Variants in CAPN9 observed in about 807,000 individuals in gnomAD.
CAPN9 encodes calpain 9.
A neutral mutation model predicts 92.8 loss-of-function variants in CAPN9; 81 were observed. That is an observed-to-expected ratio of 0.87 (90% CI 0.73 to 1.05). The LOEUF (loss-of-function observed/expected upper bound fraction) is 1.05, where lower values mean the gene tolerates loss of function less well. Ranked by LOEUF, CAPN9 falls within the 50% of genes least tolerant of loss-of-function variation. The probability of loss-of-function intolerance (pLI) is 0.00; values close to 1 mark genes in which losing one functional copy is unlikely to be tolerated. For missense variants in CAPN9, 848 were observed against 866.2 expected, an observed-to-expected ratio of 0.98 and a Z score of 0.26; for synonymous variants, 304 against 328.0, an observed-to-expected ratio of 0.93 and a Z score of 0.79.
intron 19 of CAPN9, among the ~76,000 whole-genome samples, chr1:230,801,351 A>C (rs1038474612): frequency 6.6e-6 from 1 of 152,242 alleles, no homozygotes; most frequent in East Asian, 1.9e-4. Context: ...ATATGAGCTC[A>C]CTTGGAAAGG....
At chr1:230,783,026 G>A (rs1667333092) in intron 11 of CAPN9, among the ~76,000 whole-genome samples, 1 of 152,038 alleles carries the variant, frequency 6.6e-6, no homozygotes, top group African/African-American at 2.4e-5. Flanking sequence ...AAAAAAAATG[G>A]TGGTTTTTTT....
intron 9 of CAPN9, among the ~76,000 whole-genome samples, 159 bp from the exon 10 acceptor site, chr1:230,780,020 G>GA (rs947676998): frequency 7.2e-5 from 11 of 152,250 alleles, no homozygotes; most frequent in Admixed American, 5.2e-4. Flanking sequence ...TGAACAGGGA[G>GA]AGAAGGTATT....
intron 18 of CAPN9, among the ~76,000 whole-genome samples, chr1:230,795,911 G>A (rs930799761): frequency 8.6e-5 from 13 of 151,766 alleles, no homozygotes; most frequent in South Asian, 4.2e-4. Flanking sequence ...ATGTTCTGGC[G>A]TTTCCATCTT....
chr1:230,785,983 A>T lies in CAPN9; in HGVS notation c.1484A>T (p.Asp495Val). ...AGTGTGTTTTTCTGCCCCTACAGGG[A>T]TATGGATGGAAATGTAGACATTGAC... ...IFSEKKAITR[D>V]MDGNVDIDLP... The change falls in exon 12 of 20, where the codon GAT (aspartate) becomes GTT (valine). Residue 495 changes from aspartate (D) to valine (V), a missense_variant and splice_region_variant. By Grantham distance (152) the Asp-to-Val change is radical. Coordinates refer to ENST00000271971, the MANE Select transcript of CAPN9 (RefSeq NM_006615.3). The T allele has an allele frequency of 6.2e-7, 1 of 1,613,968 alleles. No homozygotes were observed. Among genetic ancestry groups the T allele is most frequent in the Non-Finnish European group, 8.5e-7 (1 of 1,179,842 alleles).
chr1:230,797,816 C>G (rs1204555704), intron 18 of CAPN9, among the ~76,000 whole-genome samples: 3 of 152,214 alleles, frequency 2.0e-5, no homozygotes, highest in African/African-American at 7.2e-5. Context: ...CAAAACTTTA[C>G]GTGCGTGTGC....
intron 11 of CAPN9, among the ~76,000 whole-genome samples, chr1:230,785,427 T>C (rs1418578498): frequency 1.3e-5 from 2 of 152,034 alleles, no homozygotes; most frequent in Non-Finnish European, 2.9e-5. Context: ...GTGTTAGGGG[T>C]GGGGCTTGAT....
intron 8 of CAPN9, among the ~76,000 whole-genome samples, chr1:230,777,232 C>T (rs971579508): frequency 6.6e-6 from 1 of 152,134 alleles, no homozygotes; most frequent in African/African-American, 2.4e-5. Context: ...AGAGGAAACT[C>T]GGAAATTCAC....
chr1:230,776,297 A>G (rs137899384), intron 8 of CAPN9: 1 of 152,200 alleles, frequency 6.6e-6, no homozygotes, highest in Non-Finnish European at 1.5e-5. Context: ...CTCCACCCTC[A>G]CAACCTAGTC....
chr1:230,762,821 C>T (rs376227860), intron 4 of CAPN9, 35 bp downstream of exon 4: 19 of 1,604,960 alleles, frequency 1.2e-5, no homozygotes, highest in South Asian at 2.2e-5. Context: ...GGCAGCCTCC[C>T]GACAGGAGTC....
At chr1:230,763,986 G>C (rs548326993) in intron 4 of CAPN9, among the ~76,000 whole-genome samples, 196 of 152,164 alleles carry the variant, frequency 1.3e-3, no homozygotes, top group Non-Finnish European at 1.7e-3. Context: ...AACAGAAACT[G>C]TGTGCCATCT....
chr1:230,795,149 C>T lies in CAPN9; in HGVS notation c.1871-14C>T, dbSNP rs769238948. On this transcript the variant is annotated splice_polypyrimidine_tract_variant and intron_variant, in intron 17 of 19. Transcript: ENST00000271971. ...GATACAGCGAGTCCTGGGTCTCCTC[C>T]TTTGTCCCCACAGGCTTTCAGCTGA... The T allele has an allele frequency of 1.7e-5, 27 of 1,571,574 alleles. No homozygotes were observed. Among genetic ancestry groups the T allele is most frequent in the Non-Finnish European group, 2.4e-5 (27 of 1,142,470 alleles).
At chr1:230,799,128 T>C (rs965589917) in intron 19 of CAPN9, among the ~76,000 whole-genome samples, 1 of 152,186 alleles carries the variant, frequency 6.6e-6, no homozygotes, top group Non-Finnish European at 1.5e-5. Flanking sequence ...GTTTCTCCTC[T>C]CCACCAATTT....
chr1:230,791,543 G>A (rs1030900166), intron 14 of CAPN9, among the ~76,000 whole-genome samples: 2 of 152,066 alleles, frequency 1.3e-5, no homozygotes, highest in Admixed American at 6.5e-5. Context: ...CTCTCTATTG[G>A]TCATTATTTC....
chr1:230,767,427 A>G, intron 4 of CAPN9, 114 bp from the exon 5 acceptor site: 1 of 849,612 alleles, frequency 1.2e-6, no homozygotes, highest in Non-Finnish European at 1.8e-6. Flanking sequence ...CCACCCAGCC[A>G]GGGCAAGCCC....
At chr1:230,775,136 G>C (rs1034020841) in intron 8 of CAPN9, among the ~76,000 whole-genome samples, 1 of 152,096 alleles carries the variant, frequency 6.6e-6, no homozygotes, top group Admixed American at 6.5e-5. Context: ...CTGTCTTGGT[G>C]GGGGCTCACC....
intron 6 of CAPN9, among the ~76,000 whole-genome samples, chr1:230,771,720 A>G (rs910355736): frequency 6.6e-6 from 1 of 152,236 alleles, no homozygotes; most frequent in Non-Finnish European, 1.5e-5. Flanking sequence ...ATTCATATGG[A>G]CTAATTTCTT....
intron 2 of CAPN9, among the ~76,000 whole-genome samples, chr1:230,757,194 T>A (rs749020989): frequency 3.9e-5 from 6 of 152,150 alleles, no homozygotes; most frequent in Non-Finnish European, 8.8e-5. Flanking sequence ...ACAGGGGTCC[T>A]GGAACCAATC....
intron 8 of CAPN9, among the ~76,000 whole-genome samples, chr1:230,775,741 C>T (rs904377666): frequency 2.6e-5 from 4 of 152,098 alleles, no homozygotes; most frequent in African/African-American, 9.7e-5. Flanking sequence ...CACAGTGAAA[C>T]CCCACCCCTG....
chr1:230,798,333 TG>T, intron 19 of CAPN9, 113 bp downstream of exon 19: 1 of 713,358 alleles, frequency 1.4e-6, no homozygotes, highest in Non-Finnish European at 2.5e-6. Context: ...CATCTAGCTG[TG>T]GGAGTGATTA....
Sources: gnomAD v4.1 joint callset for allele counts (sites outside exome capture counted in the v4.1 genomes callset) on GRCh38, gnomAD v4.1.1 for gene constraint, MANE v1.5 for transcripts, NCBI Gene and HGNC (gene_info 2026-07-23, HGNC 2026-07-21) for gene names.